The following ZC3H11A variants were observed in gnomAD, a reference collection of about 807,000 sequenced individuals.
ZC3H11A encodes zinc finger CCCH domain-containing protein 11A.
ZC3H11A carries 22 observed loss-of-function variants against 90.8 expected under a neutral mutation model. The ratio of observed to expected loss-of-function variants is 0.24; its 90% CI spans 0.17 to 0.35. ZC3H11A has a LOEUF of 0.35. ZC3H11A is among the 10% of genes least tolerant of loss of function. The probability of loss-of-function intolerance (pLI) is 1.00; values close to 1 mark genes in which losing one functional copy is unlikely to be tolerated. For synonymous variants in ZC3H11A, 294 were observed against 339.8 expected (o/e 0.87, Z 1.48); for missense variants, 701 against 964.9 (o/e 0.73, Z 3.62).
At position 203,802,057 on chromosome 1, in the gene ZC3H11A, G is replaced by T. The variant is rs1670683573; in HGVS notation, c.-1105G>T. 2 of 152,548 alleles carry T rather than the reference G, an allele frequency of 1.3e-5. No individual in the cohort carries two copies. The highest frequency in any genetic ancestry group is 4.8e-5 in the African/African-American group (2 of 41,438). 9.4% of individuals were successfully genotyped at this position (152,548 alleles called of 1,614,324 possible). ...AAAATAAGAAATAAATTTTCCCTTA[G>T]ATAAAGCTTTCTGTGTTTTGACAGT... On this transcript the variant is annotated 5_prime_UTR_variant, in exon 2 of 18. Coordinates refer to ENST00000367210, the MANE Select transcript of ZC3H11A (RefSeq NM_001376342.1).
intron 1 of ZC3H11A, chr1:203,798,489 A>G (rs1669403696): frequency 6.5e-7 from 1 of 1,536,142 alleles, no homozygotes; most frequent in Non-Finnish European, 8.7e-7. Flanking sequence ...TGTTGCCAAC[A>G]AAGACAGTGG....
At position 203,852,495 on chromosome 1, in the gene ZC3H11A, T is replaced by C; in HGVS notation, c.*96T>C. On this transcript the variant is annotated 3_prime_UTR_variant, in exon 18 of 18. Transcript: ENST00000367210. ...TTACCTGAGATGATCATTTCTTTAG[T>C]CTAGAATTTGCCCCAAATCAGAAGT... is the stretch of plus-strand genomic sequence containing the variant. 7.1e-7 allele frequency: 1 copy of C among 1,399,648 alleles called. No individual in the cohort carries two copies. 86.7% of individuals were successfully genotyped at this position (1,399,648 alleles called of 1,614,324 possible).
At chr1:203,819,809 C>T (rs1186973360) in intron 4 of ZC3H11A, among the ~76,000 whole-genome samples, 4 of 150,688 alleles carry the variant, frequency 2.7e-5, no homozygotes, top group Non-Finnish European at 4.4e-5. Context: ...GCTGGGATTA[C>T]AGGCATGAGC....
chr1:203,803,372 G>T (rs1671115612), intron 2 of ZC3H11A, among the ~76,000 whole-genome samples: 1 of 151,786 alleles, frequency 6.6e-6, no homozygotes, highest in Admixed American at 6.6e-5. Flanking sequence ...TGTATTATTA[G>T]TGGAGATGAA....
At chr1:203,844,839 C>T (rs1687451561) in intron 12 of ZC3H11A, among the ~76,000 whole-genome samples, 1 of 152,016 alleles carries the variant, frequency 6.6e-6, no homozygotes, top group Non-Finnish European at 1.5e-5. Context: ...CTCCTCCCTC[C>T]CCTTTTTCTG....
intron 4 of ZC3H11A, among the ~76,000 whole-genome samples, chr1:203,827,043 A>G (rs1290383069): frequency 2.0e-5 from 3 of 152,184 alleles, no homozygotes; most frequent in Non-Finnish European, 1.5e-5. Context: ...TCATCTTTTC[A>G]TAAATGGAAT....
At chr1:203,799,607 T>G (rs1304788930) in intron 1 of ZC3H11A, 2 of 703,172 alleles carry the variant, frequency 2.8e-6, no homozygotes, top group Non-Finnish European at 5.2e-6. Flanking sequence ...TTAAGCCATT[T>G]GAGGAGGCTA....
chr1:203,806,728 T>C (rs1040112600), intron 2 of ZC3H11A, among the ~76,000 whole-genome samples: 4 of 152,178 alleles, frequency 2.6e-5, no homozygotes, highest in Admixed American at 6.6e-5. Flanking sequence ...TGTTTTACCA[T>C]ATTGCATATG....
rs757702173 is a variant in ZC3H11A at position 203,852,314 on chromosome 1, G to A, written c.2348G>A (p.Gly783Asp). The change falls in exon 18 of 18, where the codon GGC becomes GAC. Residue 783 changes from glycine to aspartate, a missense_variant. Gly to Asp is a moderately conservative substitution (Grantham distance 94). Transcript: ENST00000367210. ...AAACTAATATGGGAGATTTCAGGAG[G>A]CAAATTGGAAGCTGAGATTGACCTG... ...FEKLIWEISG[G>D]KLEAEIDLDP... The A allele has an allele frequency of 2.5e-6, 4 of 1,613,626 alleles. No individual in the cohort carries two copies. Among genetic ancestry groups the A allele is most frequent in the Non-Finnish European group, 3.4e-6 (4 of 1,179,846 alleles).
At chr1:203,805,654 C>T (rs867408865) in intron 2 of ZC3H11A, 30 of 704,946 alleles carry the variant, frequency 4.3e-5, no homozygotes, top group South Asian at 4.0e-4. Flanking sequence ...CAAATTCATC[C>T]ACCAGAACTC....
At chr1:203,845,613 C>A (rs1157401146) in intron 12 of ZC3H11A, among the ~76,000 whole-genome samples, 1 of 152,146 alleles carries the variant, frequency 6.6e-6, no homozygotes, top group Non-Finnish European at 1.5e-5. Flanking sequence ...GCCTGTAATC[C>A]CAGCACTTTG....
At chr1:203,815,155 C>T (rs1364395489) in intron 2 of ZC3H11A, among the ~76,000 whole-genome samples, 1 of 149,506 alleles carries the variant, frequency 6.7e-6, no homozygotes, top group Non-Finnish European at 1.5e-5. Context: ...TAAAAATAGT[C>T]TCCAGTTTTT....
intron 1 of ZC3H11A, chr1:203,796,096 C>T (rs1668383274): frequency 5.1e-6 from 1 of 194,332 alleles, no homozygotes; most frequent in African/African-American, 2.4e-5. Context: ...TCCCCTCCCC[C>T]ACATCCGGTG....
chr1:203,831,782 G>A lies in ZC3H11A; in HGVS notation c.811+11G>A. On this transcript the variant is annotated intron_variant, in intron 9 of 17. Transcript: ENST00000367210. ...TCTCCACCAAACAAGGTAAGGTATA[G>A]ATAGGTCTTAGAGTTGTCAAGCCTC... 6.2e-7 allele frequency: 1 copy of A among 1,603,742 alleles called. No individual in the cohort carries two copies. Among genetic ancestry groups the A allele is most frequent in the Non-Finnish European group, 8.5e-7 (1 of 1,172,948 alleles).
intron 1 of ZC3H11A, chr1:203,799,740 A>G (rs772684489): frequency 1.3e-6 from 1 of 795,172 alleles, no homozygotes; most frequent in Non-Finnish European, 2.1e-6. Context: ...TCAGGCCCTC[A>G]ATCTGGTGGA....
chr1:203,827,649 T>C (rs966258915), intron 4 of ZC3H11A, among the ~76,000 whole-genome samples: 4 of 149,638 alleles, frequency 2.7e-5, no homozygotes, highest in African/African-American at 9.9e-5. Flanking sequence ...GCCACTGCAC[T>C]CCAGCCTGGG....
chr1:203,809,511 C>T (rs1294780724), intron 2 of ZC3H11A, among the ~76,000 whole-genome samples: 1 of 151,982 alleles, frequency 6.6e-6, no homozygotes, highest in Non-Finnish European at 1.5e-5. Context: ...TCATTTGTAG[C>T]AATGCTATAT....
intron 4 of ZC3H11A, among the ~76,000 whole-genome samples, chr1:203,820,047 C>T (rs997177605): frequency 6.0e-5 from 9 of 150,598 alleles, no homozygotes; most frequent in African/African-American, 2.2e-4. Flanking sequence ...CCAGCCTGAC[C>T]AACATGGTGA....
At chr1:203,841,808 C>T (rs1435658950) in intron 12 of ZC3H11A, among the ~76,000 whole-genome samples, 3 of 144,324 alleles carry the variant, frequency 2.1e-5, no homozygotes, top group Non-Finnish European at 4.7e-5. Context: ...CCGGACGGGG[C>T]GGCTGCCGGG....
Sources: allele counts gnomAD v4.1 joint callset (sites outside exome capture counted in the v4.1 genomes callset), GRCh38; gene constraint gnomAD v4.1.1; transcripts MANE v1.5; gene names NCBI Gene and HGNC (gene_info 2026-07-23, HGNC 2026-07-21).